SLC11A2: variants seen among roughly 807,000 people sequenced by gnomAD.
SLC11A2 encodes the protein natural resistance-associated macrophage protein 2.
SLC11A2 carries 38 observed loss-of-function variants against 68.0 expected under a neutral mutation model. That is an observed-to-expected ratio of 0.56 (90% CI 0.43 to 0.73). SLC11A2 has a LOEUF of 0.73. Among genes scored for constraint, SLC11A2 ranks in the 30% least tolerant of loss-of-function variants. The pLI is 0.00. For missense variants in SLC11A2, 517 were observed against 690.5 expected, an observed-to-expected ratio of 0.75 and a Z score of 2.82; for synonymous variants, 242 against 250.6, an observed-to-expected ratio of 0.97 and a Z score of 0.32.
At position 50,996,853 on chromosome 12, in the gene SLC11A2, CATG is replaced by C; in HGVS notation, c.792_794del (p.Ile264del). On this transcript the variant is annotated inframe_deletion, in exon 9 of 16. Transcript: ENST00000262052. ...CAGAATGCAGGTACATGTTGTGTGG[CATG>C]ATGACAGCTCCCACGATGCCCACAG... The C allele has an allele frequency of 6.2e-7, 1 of 1,614,120 alleles. No homozygotes were observed. The highest frequency in any genetic ancestry group is 8.5e-7 in the Non-Finnish European group (1 of 1,180,010).
At chr12:51,009,264 GTAAAGTGCCGC>G in intron 2 of SLC11A2, 1 of 1,302,492 alleles carries the variant, frequency 7.7e-7, no homozygotes, top group East Asian at 3.0e-5. Flanking sequence ...AAGGCTTGCA[GTAAAGTGCCGC>G]CGGTCACGGG....
intron 1 of SLC11A2, among the ~76,000 whole-genome samples, chr12:51,020,644 T>C (rs1026751324): frequency 1.3e-5 from 2 of 152,208 alleles, no homozygotes; most frequent in Non-Finnish European, 2.9e-5. Flanking sequence ...CAGTCAGGCC[T>C]CTGTAACCCT....
At position 50,992,889 on chromosome 12, in the gene SLC11A2, T is replaced by C. The variant is rs758688314; in HGVS notation, c.1118A>G (p.Tyr373Cys). 6 of 1,614,002 alleles carry C rather than the reference T, an allele frequency of 3.7e-6. No homozygotes were observed. In the East Asian group the frequency reaches 6.7e-5, roughly 18 times the overall value. Residue 373 changes from tyrosine (Y) to cysteine (C), a missense_variant, in exon 12 of 16, where the codon TAC becomes TGC. By Grantham distance (194) the Tyr-to-Cys change is radical. Coordinates refer to ENST00000262052, the MANE Select transcript of SLC11A2 (RefSeq NM_000617.3). ...AGCCAGGATCCCCACTGCCCAAATGTAGAGTGCAGCAGGCCCAAAGTAACA... is the reference window on the plus strand; with the variant it reads ...AGCCAGGATCCCCACTGCCCAAATGCAGAGTGCAGCAGGCCCAAAGTAACA... ...LGCYFGPAAL[Y>C]IWAVGILAAG...
chr12:51,009,077 C>A, intron 2 of SLC11A2: 2 of 1,167,284 alleles, frequency 1.7e-6, no homozygotes, highest in South Asian at 1.3e-5. Context: ...GCCTGTCTAG[C>A]GAAATGTCCT....
At chr12:50,975,773 G>T (rs988508309), downstream of SLC11A2, among the ~76,000 whole-genome samples, 5 of 151,872 alleles carry the variant, frequency 3.3e-5, no homozygotes, top group East Asian at 7.7e-4. Context: ...AAAGAGAGAA[G>T]AATCAAATAT....
intron 6 of SLC11A2, chr12:50,999,671 T>C: frequency 4.0e-6 from 2 of 503,768 alleles, no homozygotes; most frequent in South Asian, 2.1e-5. Context: ...CTTACCCTCA[T>C]GGAGTTAGAC....
chr12:51,005,630 C>T, intron 3 of SLC11A2, 194 bp from the exon 4 acceptor site: 1 of 1,407,224 alleles, frequency 7.1e-7, no homozygotes, highest in Non-Finnish European at 9.4e-7. Context: ...ACTTCTCTGT[C>T]CAAGTCAAAG....
chr12:50,961,980 G>C, the SLC11A2 span, among the ~76,000 whole-genome samples: 1 of 152,164 alleles, frequency 6.6e-6, no homozygotes, highest in African/African-American at 2.4e-5. Flanking sequence ...CTATGTACCA[G>C]ACACTGTTTA....
At chr12:50,979,624 A>T (rs981682733), downstream of SLC11A2, 2 of 321,708 alleles carry the variant, frequency 6.2e-6, no homozygotes, top group African/African-American at 4.3e-5. Context: ...TCTCAGTTTT[A>T]AGATCAGAAG....
downstream of SLC11A2, chr12:50,979,862 G>A: frequency 2.2e-6 from 1 of 454,052 alleles, no homozygotes; most frequent in South Asian, 1.6e-5. Flanking sequence ...ATGCTGAAAG[G>A]GGAAAGTGAT....
downstream of SLC11A2, chr12:50,980,667 T>C (rs1939972898): frequency 6.6e-6 from 1 of 152,186 alleles, no homozygotes. Flanking sequence ...TTGGTATAAA[T>C]AGGTATTTTA....
At chr12:51,028,535 G>A, upstream of SLC11A2, 1 of 307,136 alleles carries the variant, frequency 3.3e-6, no homozygotes, top group Non-Finnish European at 5.9e-6. Context: ...AAGAGTAGGT[G>A]GCAAGCCTGT....
At chr12:51,021,070 G>A (rs1443666350) in intron 1 of SLC11A2, among the ~76,000 whole-genome samples, 1 of 152,168 alleles carries the variant, frequency 6.6e-6, no homozygotes, top group African/African-American at 2.4e-5. Flanking sequence ...CAGGCTGGAT[G>A]ACAAAGCGAG....
At chr12:50,967,195 A>T in the SLC11A2 span, among the ~76,000 whole-genome samples, 1 of 151,794 alleles carries the variant, frequency 6.6e-6, no homozygotes, top group African/African-American at 2.4e-5. Flanking sequence ...GGCTCACTGC[A>T]GCCTCAAACT....
chr12:51,009,390 T>C, intron 2 of SLC11A2: 1 of 982,444 alleles, frequency 1.0e-6, no homozygotes, highest in Non-Finnish European at 1.3e-6. Context: ...GCAGAAGGTC[T>C]GGGAGAAAAG....
chr12:51,025,202 T>G (rs979882350), intron 1 of SLC11A2, among the ~76,000 whole-genome samples: 2 of 152,176 alleles, frequency 1.3e-5, no homozygotes, highest in Admixed American at 6.5e-5. Flanking sequence ...TGATAAGTCA[T>G]GAGACTCTGA....
chr12:50,955,637 A>G, the SLC11A2 span, among the ~76,000 whole-genome samples: 1 of 152,240 alleles, frequency 6.6e-6, no homozygotes, highest in Non-Finnish European at 1.5e-5. Flanking sequence ...AAGTGTCATT[A>G]TTCACATATC....
the SLC11A2 span, among the ~76,000 whole-genome samples, chr12:50,956,883 T>C: frequency 9.2e-5 from 14 of 152,250 alleles, 1 homozygote; most frequent in South Asian, 2.9e-3. Flanking sequence ...CAGTTTAATA[T>C]CATTTGTTAT....
chr12:51,026,280 C>T (rs1944382487), intron 1 of SLC11A2, 30 bp downstream of exon 1: 9 of 1,228,534 alleles, frequency 7.3e-6, no homozygotes, highest in Non-Finnish European at 9.6e-6. Flanking sequence ...GAGCGGAATG[C>T]CGTGACCCCT....
Sources: gnomAD v4.1 joint callset for allele counts (sites outside exome capture counted in the v4.1 genomes callset) on GRCh38, gnomAD v4.1.1 for gene constraint, MANE v1.5 for transcripts, NCBI Gene and HGNC (gene_info 2026-07-23, HGNC 2026-07-21) for gene names.